Variants in ERLIN2 observed in about 807,000 individuals in gnomAD.
ERLIN2 encodes the protein ER lipid raft associated 2, also known as erlin-2.
ERLIN2 carries 22 observed loss-of-function variants against 41.5 expected under a neutral mutation model. The ratio of observed to expected loss-of-function variants is 0.53; its 90% CI spans 0.38 to 0.76. The LOEUF (loss-of-function observed/expected upper bound fraction) is 0.76. ERLIN2 is among the 30% of genes least tolerant of loss of function. The pLI is 0.00. For missense variants in ERLIN2, 247 were observed against 414.3 expected (o/e 0.60, Z 3.51); for synonymous variants, 149 against 150.9 (o/e 0.99, Z 0.09).
intron 6 of ERLIN2, chr8:37,746,231 C>T: frequency 2.0e-6 from 2 of 985,756 alleles, no homozygotes; most frequent in Non-Finnish European, 2.4e-6. Context: ...TACTTTCCTT[C>T]TCTCAGGACT....
intron 6 of ERLIN2, chr8:37,745,421 AGCAGC>A: frequency 1.3e-6 from 1 of 764,338 alleles, no homozygotes; most frequent in East Asian, 2.7e-5. Context: ...AACCTGACTT[AGCAGC>A]AAAGGAAGGA....
chr8:37,740,476 C>A, intron 3 of ERLIN2, 30 bp downstream of exon 3: 2 of 1,548,098 alleles, frequency 1.3e-6, no homozygotes, highest in Non-Finnish European at 8.9e-7. Flanking sequence ...TATGGCTGGA[C>A]GACTGCAAAC....
At chr8:37,742,139 C>T (rs1802871856) in intron 4 of ERLIN2, among the ~76,000 whole-genome samples, 1 of 151,824 alleles carries the variant, frequency 6.6e-6, no homozygotes, top group African/African-American at 2.4e-5. Flanking sequence ...GTCAGGATAT[C>T]GAGACCATCC....
chr8:37,743,540 T>G (rs1341865904), intron 4 of ERLIN2, among the ~76,000 whole-genome samples: 2 of 152,174 alleles, frequency 1.3e-5, no homozygotes, highest in Non-Finnish European at 2.9e-5. Flanking sequence ...AGGTCTAATC[T>G]CCAAATACAG....
At position 37,758,389 on chromosome 8, in the gene ERLIN2, C is replaced by G. The variant is rs1314131363; in HGVS notation, c.*4274C>G. 6.6e-6 allele frequency: 1 copy of G among 152,154 alleles called. No homozygotes were observed. Among genetic ancestry groups the G allele is most frequent in the Non-Finnish European group, 1.5e-5 (1 of 68,048 alleles). 9.4% of individuals were successfully genotyped at this position (152,154 alleles called of 1,614,324 possible). A position where few individuals can be genotyped will look rare whatever the true frequency, so the allele number is the denominator to read the frequency against. ...TGACCTCTCTAAGCCTCAGTTTCTT[C>G]ATTAATAAAATGAGTTGCATGGCTT... On this transcript the variant is annotated 3_prime_UTR_variant, in exon 12 of 12. Transcript: ENST00000519638.
chr8:37,749,552 A>C lies in ERLIN2; in HGVS notation c.425-7A>C. On this transcript the variant is annotated splice_polypyrimidine_tract_variant and splice_region_variant and intron_variant, in intron 6 of 11. Coordinates refer to ENST00000519638, the MANE Select transcript of ERLIN2 (RefSeq NM_007175.8). ...ACTCCTTTTTCTCCATCTTTTCTTT[A>C]TTCCAGATCAGATTGATGAAAATCT... is the stretch of plus-strand genomic sequence containing the variant. 1 of 1,607,602 alleles carries C rather than the reference A, an allele frequency of 6.2e-7. No individual in the cohort carries two copies. The highest frequency in any genetic ancestry group is 8.5e-7 in the Non-Finnish European group (1 of 1,174,086).
chr8:37,748,055 G>GA, intron 6 of ERLIN2: 1 of 1,484,120 alleles, frequency 6.7e-7, no homozygotes, highest in South Asian at 1.1e-5. Flanking sequence ...GGGTCGCGCC[G>GA]AAATGACGTC....
intron 2 of ERLIN2, among the ~76,000 whole-genome samples, chr8:37,739,973 A>AT (rs927292585): frequency 2.0e-5 from 3 of 151,842 alleles, no homozygotes; most frequent in Non-Finnish European, 4.4e-5. Flanking sequence ...CACTCAGCTA[A>AT]TTTTTTTCCT....
At chr8:37,749,947 G>T in intron 8 of ERLIN2, 95 bp downstream of exon 8, 1 of 1,104,310 alleles carries the variant, frequency 9.1e-7, no homozygotes, top group Non-Finnish European at 1.4e-6. Flanking sequence ...AGGCTTCTCG[G>T]TTATCCCCTT....
chr8:37,738,108 C>G (rs1475190700), intron 2 of ERLIN2, 79 bp downstream of exon 2: 7 of 1,518,376 alleles, frequency 4.6e-6, no homozygotes, highest in Non-Finnish European at 6.4e-6. Context: ...CTAGCAGATT[C>G]TGCTGAACAT....
In ERLIN2 at chr8:37,747,050, A is replaced by G. The variant is rs187026600; in HGVS notation, c.424+2354A>G. Among the ~76,000 whole-genome samples the G allele has an allele frequency of 1.1e-3, 174 of 152,348 alleles. 2 individuals are homozygous for G. The highest frequency in any genetic ancestry group is 4.0e-3 in the African/African-American group (166 of 41,580). The stretch of plus-strand genomic sequence containing the variant: ...AGAGACCAGAGACACTCAAGCACTT[A>G]TCTATTCATAAAGTTTCTACACAGC... On this transcript the variant is annotated intron_variant, in intron 6 of 11. Transcript: ENST00000519638.
intron 9 of ERLIN2, 43 bp from the exon 10 acceptor site, chr8:37,751,583 C>G: frequency 6.5e-7 from 1 of 1,541,190 alleles, no homozygotes; most frequent in Non-Finnish European, 9.0e-7. Context: ...ATTAGTCAAA[C>G]TCTGAAATGC....
intron 8 of ERLIN2, 54 bp from the exon 9 acceptor site, chr8:37,750,341 T>A (rs887598985): frequency 7.4e-7 from 1 of 1,351,518 alleles, no homozygotes; most frequent in Non-Finnish European, 1.1e-6. Flanking sequence ...TACCTGGGGA[T>A]AGTGAAGCTC....
At chr8:37,742,888 A>G (rs1011072318) in intron 4 of ERLIN2, among the ~76,000 whole-genome samples, 6 of 152,272 alleles carry the variant, frequency 3.9e-5, no homozygotes, top group African/African-American at 1.2e-4. Flanking sequence ...TTTTTAGCAG[A>G]TAAATGACCT....
chr8:37,736,932 C>A, intron 1 of ERLIN2: 22 of 985,878 alleles, frequency 2.2e-5, no homozygotes, highest in Non-Finnish European at 2.7e-5. Flanking sequence ...GGGGAAGGGG[C>A]GCGAGTGACC....
chr8:37,749,515 GA>G lies in ERLIN2; in HGVS notation c.425-41del, dbSNP rs751168084. ...ACCTCATCCTGCCCTCCCTCATCTA[GA>G]AAGTGTAACAACTCCTTTTTCTCCA... On this transcript the variant is annotated intron_variant, in intron 6 of 11. Coordinates refer to ENST00000519638, the MANE Select transcript of ERLIN2 (RefSeq NM_007175.8). The G allele has an allele frequency of 2.9e-6, 4 of 1,386,458 alleles. No individual in the cohort carries two copies. In the African/African-American group the frequency reaches 5.7e-5, roughly 20 times the overall value. The allele number at this position is 1,386,458 out of a possible 1,614,324, so 85.9% of individuals were successfully genotyped here. A position where few individuals can be genotyped will look rare whatever the true frequency, so the allele number is the denominator to read the frequency against.
chr8:37,737,703 G>A, intron 1 of ERLIN2: 1 of 577,578 alleles, frequency 1.7e-6, no homozygotes, highest in Admixed American at 2.9e-5. Context: ...CAGTGCGGTG[G>A]GGGCTCTAAT....
At chr8:37,745,343 T>C (rs747522182) in intron 6 of ERLIN2, 27 of 579,178 alleles carry the variant, frequency 4.7e-5, no homozygotes, top group Non-Finnish European at 7.4e-5. Context: ...AAAAACACTT[T>C]AAACAAAAAG....
Position 37,753,896 on chromosome 8 carries a change from C to CTTT in ERLIN2, c.820-8_820-6dup. The CTTT allele has an allele frequency of 4.6e-6, 6 of 1,313,962 alleles. No individual in the cohort carries two copies. The highest frequency in any genetic ancestry group is 5.4e-6 in the Non-Finnish European group (5 of 933,616). The allele number at this position is 1,313,962 out of a possible 1,614,324, so 81.4% of individuals were successfully genotyped here. ...TATGGTTCAACATAAGTCTTCCATA[C>CTTT]TTTTTTTTTTTTTAACAGCTGAAGC... On this transcript the variant is annotated intron_variant, in intron 11 of 11. Coordinates refer to ENST00000519638, the MANE Select transcript of ERLIN2 (RefSeq NM_007175.8).
Sources: allele counts gnomAD v4.1 joint callset (sites outside exome capture counted in the v4.1 genomes callset), GRCh38; gene constraint gnomAD v4.1.1; transcripts MANE v1.5; gene names NCBI Gene and HGNC (gene_info 2026-07-23, HGNC 2026-07-21).